Variants in CNTN5 observed in about 807,000 individuals in gnomAD.
CNTN5 encodes the protein contactin-5.
CNTN5 carries 77 observed loss-of-function variants against 129.1 expected under a neutral mutation model. The ratio of observed to expected loss-of-function variants is 0.60; its 90% confidence interval spans 0.50 to 0.72. The LOEUF (loss-of-function observed/expected upper bound fraction) is 0.72, where lower values mean the gene tolerates loss of function less well. CNTN5 is among the 30% of genes least tolerant of loss of function. CNTN5 has a pLI of 0.00. For missense variants in CNTN5, 1,478 were observed against 1,328.8 expected (o/e 1.11, Z -1.75); for synonymous variants, 509 against 465.6 (o/e 1.09, Z -1.20).
chr11:99,128,881 T>A (rs1591242758), intron 1 of CNTN5, among the ~76,000 whole-genome samples: 1 of 152,128 alleles, frequency 6.6e-6, no homozygotes, highest in Non-Finnish European at 1.5e-5. Flanking sequence ...GGACCGTGAC[T>A]GTTAGAAGAA....
chr11:99,173,061 A>G (rs1419743805), intron 1 of CNTN5, among the ~76,000 whole-genome samples: 1 of 152,164 alleles, frequency 6.6e-6, no homozygotes, highest in Non-Finnish European at 1.5e-5. Context: ...TCCCATTTTT[A>G]AAACCATCAG....
intron 11 of CNTN5, 150 bp from the exon 12 acceptor site, chr11:100,071,554 TA>T (rs1377558734): frequency 5.1e-5 from 22 of 429,480 alleles, no homozygotes; most frequent in Admixed American, 3.3e-4. Context: ...TATAATAAAA[TA>T]ATGAACAGTA....
intron 21 of CNTN5, among the ~76,000 whole-genome samples, chr11:100,323,110 C>T (rs1951726113): frequency 6.6e-6 from 1 of 152,140 alleles, no homozygotes; most frequent in Non-Finnish European, 1.5e-5. Flanking sequence ...AAAATGTCCT[C>T]AGTGTAAAAA....
chr11:99,956,377 C>T (rs1057235388), intron 7 of CNTN5, among the ~76,000 whole-genome samples: 1 of 152,088 alleles, frequency 6.6e-6, no homozygotes, highest in Admixed American at 6.5e-5. Context: ...AGTTTAATTG[C>T]TTAAGTGTCC....
chr11:100,222,208 T>G (rs983123607), intron 15 of CNTN5, among the ~76,000 whole-genome samples: 5 of 152,206 alleles, frequency 3.3e-5, no homozygotes, highest in African/African-American at 9.6e-5. Flanking sequence ...TCAAATGGTC[T>G]TGATATTGAT....
At chr11:99,511,348 A>G (rs561443641) in intron 2 of CNTN5, among the ~76,000 whole-genome samples, 2 of 151,764 alleles carry the variant, frequency 1.3e-5, no homozygotes, top group Admixed American at 6.6e-5. Context: ...TGTAGTTGAG[A>G]GGTTTTGAGT....
intron 3 of CNTN5, among the ~76,000 whole-genome samples, chr11:99,679,751 G>T (rs1473411380): frequency 6.6e-6 from 1 of 152,206 alleles, no homozygotes; most frequent in African/African-American, 2.4e-5. Context: ...TAAATCAAAA[G>T]CTAGAAATGA....
chr11:99,625,576 C>T (rs1423567632), intron 3 of CNTN5, among the ~76,000 whole-genome samples: 4 of 152,014 alleles, frequency 2.6e-5, no homozygotes, highest in African/African-American at 7.3e-5. Flanking sequence ...GACCAAAATA[C>T]ATTAAGATAT....
At chr11:99,608,382 T>C (rs915884837) in intron 3 of CNTN5, among the ~76,000 whole-genome samples, 2 of 152,194 alleles carry the variant, frequency 1.3e-5, no homozygotes, top group Admixed American at 6.5e-5. Context: ...GGGCAATGCA[T>C]GGGTTGAATT....
intron 13 of CNTN5, among the ~76,000 whole-genome samples, chr11:100,169,876 C>T (rs1305710097): frequency 2.0e-5 from 3 of 151,970 alleles, no homozygotes; most frequent in African/African-American, 7.2e-5. Context: ...CCGGCCTTCT[C>T]TCTGTCCCTA....
chr11:99,598,317 T>C (rs1950194804), intron 3 of CNTN5, among the ~76,000 whole-genome samples: 5 of 63,366 alleles, frequency 7.9e-5, no homozygotes, highest in Admixed American at 1.5e-4. Flanking sequence ...TTCTTTTCTT[T>C]TCTTTTCTGT....
chr11:100,107,264 T>C (rs564507978), intron 13 of CNTN5, among the ~76,000 whole-genome samples: 2 of 152,222 alleles, frequency 1.3e-5, no homozygotes, highest in Non-Finnish European at 2.9e-5. Context: ...TTGAGGGAAA[T>C]AGAAGCCCCT....
chr11:99,249,408 G>C (rs1032723938), intron 1 of CNTN5, among the ~76,000 whole-genome samples: 1 of 152,022 alleles, frequency 6.6e-6, no homozygotes, highest in East Asian at 1.9e-4. Flanking sequence ...TTGTGGCAAG[G>C]CCTTGATGAC....
chr11:99,765,871 TTAAA>T (rs1944736961), intron 3 of CNTN5, among the ~76,000 whole-genome samples: 1 of 151,890 alleles, frequency 6.6e-6, no homozygotes, highest in Non-Finnish European at 1.5e-5. Context: ...TCTGGTGACA[TTAAA>T]TAAGAGTAGC....
In CNTN5 at chr11:99,888,991, C is replaced by G. The variant is rs1415714688; in HGVS notation, c.578-27063C>G. On this transcript the variant is annotated intron_variant, in intron 6 of 24. Coordinates refer to ENST00000524871, the MANE Select transcript of CNTN5 (RefSeq NM_014361.4). The stretch of plus-strand genomic sequence containing the variant: ...ATTGTCATTAGCAAAAGGGAGGGTT[C>G]AGTTATTTAATTTTCATTATTGCCA... Among the ~76,000 whole-genome samples, 4 of 39,400 alleles carry G rather than the reference C, an allele frequency of 1.0e-4. No individual in the cohort carries two copies. The South Asian group carries it at 3.7e-3, about 37-fold the overall frequency. 25.8% of individuals were successfully genotyped at this position (39,400 alleles called of 152,430 possible). A position where few individuals can be genotyped will look rare whatever the true frequency, so the allele number is the denominator to read the frequency against.
At chr11:100,019,111 T>C (rs183809416) in intron 9 of CNTN5, among the ~76,000 whole-genome samples, 4 of 152,088 alleles carry the variant, frequency 2.6e-5, no homozygotes, top group South Asian at 4.1e-4. Context: ...TTTTATTGCC[T>C]TACTAGTGTG....
At chr11:99,201,187 G>A (rs1859164017) in intron 1 of CNTN5, among the ~76,000 whole-genome samples, 1 of 151,666 alleles carries the variant, frequency 6.6e-6, no homozygotes, top group Non-Finnish European at 1.5e-5. Context: ...ACCATGCCAG[G>A]CTAACTTTTT....
Position 100,356,289 on chromosome 11 carries a change from G to C in CNTN5, c.*69G>C, listed in dbSNP as rs1057237030. 1.9e-6 allele frequency: 2 copies of C among 1,056,104 alleles called. No homozygotes were observed. The highest frequency in any genetic ancestry group is 2.7e-5 in the South Asian group (2 of 74,664). 65.4% of individuals were successfully genotyped at this position (1,056,104 alleles called of 1,614,324 possible). The stretch of plus-strand genomic sequence containing the variant: ...CAGCGGTGAATAGAGTGTAGTGTAA[G>C]TGGAGAACCAGGATCCTGAGATGAG... On this transcript the variant is annotated 3_prime_UTR_variant, in exon 25 of 25. Transcript: ENST00000524871.
rs531934467 is a variant in CNTN5 at position 99,418,547 on chromosome 11, T to G, written c.-71+93063T>G. On this transcript the variant is annotated intron_variant, in intron 2 of 24. Coordinates refer to ENST00000524871, the MANE Select transcript of CNTN5 (RefSeq NM_014361.4). ...AAGAACATTTAATTGGATTATTTGA[T>G]CTTTAGCTAAAATTACTTTTCTTTT... Among the ~76,000 whole-genome samples, 7 of 152,336 alleles carry G rather than the reference T, an allele frequency of 4.6e-5. No individual in the cohort carries two copies. In the East Asian group the frequency reaches 1.4e-3, roughly 29 times the overall value.
Sources: gnomAD v4.1 joint callset for allele counts (sites outside exome capture counted in the v4.1 genomes callset) on GRCh38, gnomAD v4.1.1 for gene constraint, MANE v1.5 for transcripts, NCBI Gene and HGNC (gene_info 2026-07-23, HGNC 2026-07-21) for gene names.